USH2A: variants seen among roughly 807,000 people sequenced by gnomAD.
USH2A encodes usherin.
A neutral mutation model predicts 538.9 loss-of-function variants in USH2A; 443 were observed. That is an observed-to-expected ratio of 0.82 (90% confidence interval 0.76 to 0.89). The LOEUF (loss-of-function observed/expected upper bound fraction) is 0.89. USH2A is among the 40% of genes least tolerant of loss of function. USH2A has a pLI of 0.00. For synonymous variants in USH2A, 2,413 were observed against 2,273.5 expected, an observed-to-expected ratio of 1.06 and a Z score of -1.75; for missense variants, 6,633 against 6,324.8, an observed-to-expected ratio of 1.05 and a Z score of -1.65.
chr1:215,641,245 C>T (rs944490898), intron 67 of USH2A, among the ~76,000 whole-genome samples: 1 of 152,122 alleles, frequency 6.6e-6, no homozygotes, highest in Non-Finnish European at 1.5e-5. Context: ...TGGTGAATTA[C>T]GTCCTTTTGG....
At chr1:216,186,707 G>A (rs757180486) in intron 20 of USH2A, among the ~76,000 whole-genome samples, 1 of 151,828 alleles carries the variant, frequency 6.6e-6, no homozygotes, top group Non-Finnish European at 1.5e-5. Flanking sequence ...AATTGGCATG[G>A]ATGTGTTTCT....
At chr1:215,795,973 A>T (rs1411058877) in intron 50 of USH2A, among the ~76,000 whole-genome samples, 4 of 151,986 alleles carry the variant, frequency 2.6e-5, no homozygotes, top group Non-Finnish European at 4.4e-5. Flanking sequence ...TAAAATAATA[A>T]ATCTATAACA....
chr1:216,295,380 AGTT>A (rs1247626614), intron 9 of USH2A, among the ~76,000 whole-genome samples: 1 of 151,754 alleles, frequency 6.6e-6, no homozygotes, highest in African/African-American at 2.4e-5. Context: ...AAAATTTAGG[AGTT>A]TTACATTTAT....
At chr1:216,038,013 A>T (rs921821077) in intron 32 of USH2A, among the ~76,000 whole-genome samples, 48 of 151,992 alleles carry the variant, frequency 3.2e-4, no homozygotes, top group Non-Finnish European at 6.6e-4. Context: ...GAATTGTACA[A>T]AGTGAACCAA....
chr1:216,001,587 T>C (rs1036242923), intron 32 of USH2A, among the ~76,000 whole-genome samples: 1 of 152,172 alleles, frequency 6.6e-6, no homozygotes, highest in Non-Finnish European at 1.5e-5. Context: ...ACTTTAACAC[T>C]ACTAGAAACA....
At chr1:216,215,944 T>C (rs966099484) in intron 15 of USH2A, among the ~76,000 whole-genome samples, 2 of 152,046 alleles carry the variant, frequency 1.3e-5, no homozygotes, top group African/African-American at 4.8e-5. Flanking sequence ...ATTCCCAGAC[T>C]ATGTCTCAAA....
chr1:215,662,603 TG>T (rs1657475567), intron 64 of USH2A, among the ~76,000 whole-genome samples: 1 of 152,242 alleles, frequency 6.6e-6, no homozygotes, highest in South Asian at 2.1e-4. Flanking sequence ...GATCAGGCCC[TG>T]GGCCTAGTGG....
intron 30 of USH2A, among the ~76,000 whole-genome samples, chr1:216,050,562 T>TCTTTCTCTCTCTC (rs1558231629): frequency 3.2e-5 from 1 of 31,674 alleles, no homozygotes; most frequent in African/African-American, 9.9e-5. Flanking sequence ...TTGTATCTTT[T>TCTTTCTCTCTCTC]TCTTTCTTTC....
intron 26 of USH2A, among the ~76,000 whole-genome samples, chr1:216,082,811 A>C (rs1429785350): frequency 6.6e-6 from 1 of 152,166 alleles, no homozygotes; most frequent in Non-Finnish European, 1.5e-5. Flanking sequence ...GAAAATGTAT[A>C]CCTATGTGGA....
intron 18 of USH2A, among the ~76,000 whole-genome samples, chr1:216,197,183 T>C (rs991311450): frequency 1.3e-5 from 2 of 152,156 alleles, no homozygotes; most frequent in Admixed American, 6.6e-5. Flanking sequence ...GAGGTAAACC[T>C]AAAGCATTCT....
At chr1:216,398,191 G>A (rs1055339447) in intron 3 of USH2A, among the ~76,000 whole-genome samples, 6 of 152,140 alleles carry the variant, frequency 3.9e-5, no homozygotes, top group African/African-American at 1.4e-4. Context: ...TCCTGACAGA[G>A]ATGGAGCAGC....
chr1:216,278,566 C>T (rs1271933353), intron 11 of USH2A, among the ~76,000 whole-genome samples: 2 of 152,182 alleles, frequency 1.3e-5, no homozygotes, highest in Non-Finnish European at 2.9e-5. Flanking sequence ...TGGCTTGTGC[C>T]AAGACCTTTC....
rs755754371 is a variant in USH2A at position 216,219,666 on chromosome 1, G to A, written c.2994-2116C>T. On this transcript the variant is annotated intron_variant, in intron 14 of 71. Coordinates refer to ENST00000307340, the MANE Select transcript of USH2A (RefSeq NM_206933.4). ...GATTTTGCCAGGATAAATGGTTTTT[G>A]TAATATTAATATAAAGAAACCTTTA... Among the ~76,000 whole-genome samples the A allele has an allele frequency of 1.2e-4, 19 of 152,070 alleles. 1 individual carries two copies. The highest frequency in any genetic ancestry group is 7.4e-5 in the Non-Finnish European group (5 of 67,984).
At chr1:216,101,606 AT>A (rs1434929720) in intron 21 of USH2A, among the ~76,000 whole-genome samples, 3 of 152,200 alleles carry the variant, frequency 2.0e-5, no homozygotes. Flanking sequence ...GTGCCAAAAT[AT>A]TTTTGCTTTT....
intron 24 of USH2A, among the ~76,000 whole-genome samples, chr1:216,085,721 T>A (rs1402457032): frequency 8.0e-6 from 1 of 124,440 alleles, no homozygotes; most frequent in Non-Finnish European, 1.8e-5. Context: ...TGTACGTGAG[T>A]GTGTGTGTGT....
At chr1:215,632,597 C>T (rs1470439200) in intron 70 of USH2A, among the ~76,000 whole-genome samples, 4 of 152,074 alleles carry the variant, frequency 2.6e-5, no homozygotes, top group East Asian at 1.9e-4. Flanking sequence ...TTCCTGTAAC[C>T]GCACCTCACA....
At chr1:216,312,823 G>A (rs1388360266) in intron 9 of USH2A, among the ~76,000 whole-genome samples, 2 of 152,044 alleles carry the variant, frequency 1.3e-5, no homozygotes, top group South Asian at 4.1e-4. Flanking sequence ...AAACTGTGAG[G>A]TTGTTTGTTT....
chr1:216,211,345 T>G (rs566570514), intron 15 of USH2A, among the ~76,000 whole-genome samples: 2 of 152,268 alleles, frequency 1.3e-5, no homozygotes, highest in East Asian at 3.9e-4. Flanking sequence ...GACTGACCCC[T>G]CACCCGTGGA....
At chr1:215,663,581 C>G (rs1310004822) in intron 64 of USH2A, among the ~76,000 whole-genome samples, 1 of 152,128 alleles carries the variant, frequency 6.6e-6, no homozygotes, top group East Asian at 1.9e-4. Flanking sequence ...ATACCTCATG[C>G]AGCCCTGCCT....
Sources: gnomAD v4.1 joint callset for allele counts (sites outside exome capture counted in the v4.1 genomes callset) on GRCh38, gnomAD v4.1.1 for gene constraint, MANE v1.5 for transcripts, NCBI Gene and HGNC (gene_info 2026-07-23, HGNC 2026-07-21) for gene names.